GPC5: variants seen among roughly 807,000 people sequenced by gnomAD.
GPC5 encodes the protein glypican-5.
A neutral mutation model predicts 53.9 loss-of-function variants in GPC5; 47 were observed. The observed-to-expected ratio is 0.87, with a 90% CI of 0.69 to 1.11. GPC5 has a LOEUF of 1.11. GPC5 is among the 50% of genes most tolerant of loss of function. The pLI is 0.00. For synonymous variants in GPC5, 286 were observed against 263.3 expected (o/e 1.09, Z -0.84); for missense variants, 748 against 713.1 (o/e 1.05, Z -0.56).
At chr13:92,504,975 T>TTATATA (rs150662924) in intron 7 of GPC5, among the ~76,000 whole-genome samples, 1 of 150,308 alleles carries the variant, frequency 6.7e-6, no homozygotes, top group African/African-American at 2.4e-5. Context: ...CTATATATAT[T>TTATATA]TATATATATA....
chr13:92,860,129 T>G (rs557082381), intron 7 of GPC5, among the ~76,000 whole-genome samples: 131 of 152,342 alleles, frequency 8.6e-4, no homozygotes, highest in Non-Finnish European at 1.7e-3. Flanking sequence ...TTACTTCATT[T>G]CATTCATTGT....
chr13:91,979,242 C>A (rs2138713412), intron 6 of GPC5, among the ~76,000 whole-genome samples: 1 of 152,054 alleles, frequency 6.6e-6, no homozygotes, highest in African/African-American at 2.4e-5. Flanking sequence ...AAATCTGTGT[C>A]ATTAACATCA....
chr13:92,181,512 C>T (rs897301314), intron 7 of GPC5, among the ~76,000 whole-genome samples: 2 of 152,162 alleles, frequency 1.3e-5, no homozygotes, highest in East Asian at 3.8e-4. Context: ...TAAAAATCTT[C>T]AGATAGTACA....
At chr13:92,628,983 C>G (rs1408532297) in intron 7 of GPC5, among the ~76,000 whole-genome samples, 1 of 152,142 alleles carries the variant, frequency 6.6e-6, no homozygotes, top group Non-Finnish European at 1.5e-5. Flanking sequence ...TGATCTTCCT[C>G]CCATTATAAA....
intron 2 of GPC5, among the ~76,000 whole-genome samples, chr13:91,594,185 T>C (rs943429690): frequency 3.9e-5 from 6 of 152,252 alleles, no homozygotes; most frequent in African/African-American, 1.4e-4. Flanking sequence ...TGTCATTTTA[T>C]TATAAGAAAA....
At chr13:91,613,364 A>G (rs1191571933) in intron 2 of GPC5, among the ~76,000 whole-genome samples, 1 of 152,158 alleles carries the variant, frequency 6.6e-6, no homozygotes, top group Non-Finnish European at 1.5e-5. Context: ...GTCAGATTTA[A>G]TAAGACTTAT....
At chr13:92,412,716 C>T (rs1876102318) in intron 7 of GPC5, among the ~76,000 whole-genome samples, 1 of 152,116 alleles carries the variant, frequency 6.6e-6, no homozygotes, top group South Asian at 2.1e-4. Flanking sequence ...GAATTATTTA[C>T]CATCTAGCCC....
At chr13:92,061,346 G>T (rs1315717827) in intron 6 of GPC5, among the ~76,000 whole-genome samples, 3 of 151,984 alleles carry the variant, frequency 2.0e-5, no homozygotes, top group African/African-American at 7.3e-5. Flanking sequence ...GGTGTGCTAT[G>T]CTATTAACTA....
intron 7 of GPC5, among the ~76,000 whole-genome samples, chr13:92,506,032 C>T (rs528221386): frequency 6.6e-5 from 10 of 152,198 alleles, no homozygotes; most frequent in African/African-American, 2.4e-4. Flanking sequence ...GCCTTCTTTT[C>T]GGAGTTGGTG....
chr13:91,484,504 TAA>T (rs1206937491), intron 2 of GPC5, among the ~76,000 whole-genome samples: 1 of 152,178 alleles, frequency 6.6e-6, no homozygotes, highest in Non-Finnish European at 1.5e-5. Context: ...TGAGAAAGTT[TAA>T]GTTTGCAATA....
intron 7 of GPC5, among the ~76,000 whole-genome samples, chr13:92,698,270 C>A (rs1455646089): frequency 6.6e-6 from 1 of 152,068 alleles, no homozygotes; most frequent in Non-Finnish European, 1.5e-5. Context: ...CACCCATTAA[C>A]TCAACATTTA....
chr13:92,132,839 G>A (rs543196621), intron 6 of GPC5, among the ~76,000 whole-genome samples: 1 of 152,198 alleles, frequency 6.6e-6, no homozygotes, highest in East Asian at 1.9e-4. Flanking sequence ...CCCAAAATTA[G>A]CCTAAAATGG....
chr13:91,582,156 A>G (rs1187970596), intron 2 of GPC5, among the ~76,000 whole-genome samples: 2 of 152,154 alleles, frequency 1.3e-5, no homozygotes, highest in African/African-American at 4.8e-5. Context: ...AGTACTTGCC[A>G]TGGCAGTGGT....
intron 7 of GPC5, among the ~76,000 whole-genome samples, chr13:92,307,559 A>G (rs994674409): frequency 2.6e-5 from 4 of 152,248 alleles, no homozygotes; most frequent in Admixed American, 2.0e-4. Context: ...TTTTCTTTAC[A>G]TTCCTAAAGT....
At chr13:92,864,937 A>C (rs971191223) in intron 7 of GPC5, among the ~76,000 whole-genome samples, 2 of 152,102 alleles carry the variant, frequency 1.3e-5, no homozygotes, top group South Asian at 2.1e-4. Flanking sequence ...ATCTCTCTGT[A>C]ATTACCATGT....
intron 6 of GPC5, among the ~76,000 whole-genome samples, chr13:91,981,027 A>C (rs2138716226): frequency 6.6e-6 from 1 of 152,306 alleles, no homozygotes; most frequent in Non-Finnish European, 1.5e-5. Context: ...AATTCTTTGC[A>C]GTGTGGGTCT....
At chr13:92,736,606 T>C (rs1888942242) in intron 7 of GPC5, among the ~76,000 whole-genome samples, 1 of 151,890 alleles carries the variant, frequency 6.6e-6, no homozygotes, top group Non-Finnish European at 1.5e-5. Context: ...TAAAAGCAGC[T>C]TTTGATGTGC....
chr13:91,419,396 A>G (rs1181681574), intron 1 of GPC5, among the ~76,000 whole-genome samples: 2 of 152,192 alleles, frequency 1.3e-5, no homozygotes, highest in Admixed American at 1.3e-4. Flanking sequence ...CGTACATTTT[A>G]TTTTAGCAGA....
At chr13:92,685,547 T>TTTTTTTTTTAAA (rs1555302912) in intron 7 of GPC5, among the ~76,000 whole-genome samples, 1 of 97,754 alleles carries the variant, frequency 1.0e-5, no homozygotes, top group Non-Finnish European at 2.2e-5. Flanking sequence ...TATGCTCATT[T>TTTTTTTTTTAAA]TTTTTTTTTT....
Sources: gnomAD v4.1 joint callset for allele counts (sites outside exome capture counted in the v4.1 genomes callset) on GRCh38, gnomAD v4.1.1 for gene constraint, MANE v1.5 for transcripts, NCBI Gene and HGNC (gene_info 2026-07-23, HGNC 2026-07-21) for gene names.